The following FSTL5 variants were observed in gnomAD, a reference collection of about 807,000 sequenced individuals.
FSTL5 encodes follistatin-related protein 5.
Under a neutral mutation model 89.1 loss-of-function variants are expected in FSTL5, and 62 were observed. The observed-to-expected ratio is 0.70, with a 90% confidence interval of 0.57 to 0.86. The LOEUF (loss-of-function observed/expected upper bound fraction) is 0.86. Among genes scored for constraint, FSTL5 ranks in the 40% least tolerant of loss-of-function variants. FSTL5 has a pLI of 0.00. For missense variants in FSTL5, 1,057 were observed against 1,001.6 expected, an observed-to-expected ratio of 1.06 and a Z score of -0.75; for synonymous variants, 383 against 346.2, an observed-to-expected ratio of 1.11 and a Z score of -1.18.
rs141424758 is a variant in FSTL5, at chr4:161,647,742, G to T, written c.894+8586C>A. Reference sequence around the variant, plus strand: ...AAAGGGGGAAGGGAAGCGCTGGGTAGAAGAGGGTATGGTCCGTGGCTAGGG... The same window carrying T: ...AAAGGGGGAAGGGAAGCGCTGGGTATAAGAGGGTATGGTCCGTGGCTAGGG... On this transcript the variant is annotated intron_variant, in intron 7 of 15. Transcript: ENST00000306100. 6.0e-3 allele frequency among the ~76,000 whole-genome samples: 913 copies of T among 152,292 alleles called. 9 individuals are homozygous for T. The highest frequency in any genetic ancestry group is 0.045 in the South Asian group (219 of 4,826).
intron 3 of FSTL5, among the ~76,000 whole-genome samples, chr4:161,999,651 G>A (rs1026344141): frequency 2.0e-5 from 3 of 152,088 alleles, no homozygotes; most frequent in South Asian, 4.1e-4. Context: ...ATTTAAATAA[G>A]ACAGTTTGAT....
chr4:161,615,291 CTCAAAAA>C (rs778774806), intron 7 of FSTL5, among the ~76,000 whole-genome samples: 1,100 of 58,462 alleles, frequency 0.019, 17 homozygotes, highest in Non-Finnish European at 0.028. Flanking sequence ...GAGACTCTGT[CTCAAAAA>C]AAAAAAAAAA....
At chr4:161,984,337 C>T (rs1735905545) in intron 3 of FSTL5, among the ~76,000 whole-genome samples, 1 of 151,870 alleles carries the variant, frequency 6.6e-6, no homozygotes, top group African/African-American at 2.4e-5. Context: ...AGTTTTTCTG[C>T]AGTAGCTTTA....
chr4:162,109,158 A>G (rs1731340746), intron 2 of FSTL5, among the ~76,000 whole-genome samples: 1 of 152,038 alleles, frequency 6.6e-6, no homozygotes, highest in African/African-American at 2.4e-5. Flanking sequence ...AAGGCCAGAA[A>G]TTTCTGGGAT....
At chr4:161,802,746 T>C (rs1016849148) in intron 4 of FSTL5, among the ~76,000 whole-genome samples, 1 of 151,750 alleles carries the variant, frequency 6.6e-6, no homozygotes, top group Non-Finnish European at 1.5e-5. Flanking sequence ...TCCATTTATA[T>C]GTGGATAACA....
intron 15 of FSTL5, among the ~76,000 whole-genome samples, chr4:161,406,006 G>A (rs182223299): frequency 6.1e-4 from 93 of 152,176 alleles, no homozygotes; most frequent in African/African-American, 2.1e-3. Flanking sequence ...CACATTACTA[G>A]ACTTACCACA....
chr4:161,952,671 A>G (rs1423409001), intron 3 of FSTL5, among the ~76,000 whole-genome samples: 1 of 151,958 alleles, frequency 6.6e-6, no homozygotes, highest in African/African-American at 2.4e-5. Context: ...ACATTAATTA[A>G]ATGCATTTTT....
At chr4:161,709,468 C>A (rs901784458) in intron 6 of FSTL5, among the ~76,000 whole-genome samples, 1 of 151,996 alleles carries the variant, frequency 6.6e-6, no homozygotes, top group Non-Finnish European at 1.5e-5. Flanking sequence ...AATAAATTCC[C>A]AAATAGATAT....
chr4:162,085,555 A>G (rs1441819513), intron 2 of FSTL5, among the ~76,000 whole-genome samples: 3 of 152,170 alleles, frequency 2.0e-5, no homozygotes. Context: ...ACACACACAT[A>G]TATGTATGGA....
intron 3 of FSTL5, among the ~76,000 whole-genome samples, chr4:161,977,323 C>A (rs1245284809): frequency 6.6e-6 from 1 of 151,828 alleles, no homozygotes; most frequent in Non-Finnish European, 1.5e-5. Context: ...TGAAAATAAT[C>A]AATTATTGGC....
At chr4:161,779,779 A>AGT (rs1475382873) in intron 4 of FSTL5, among the ~76,000 whole-genome samples, 6,651 of 56,354 alleles carry the variant, frequency 0.12, 828 homozygotes, top group African/African-American at 0.39. Context: ...ATATATGTAT[A>AGT]TATATATATA....
chr4:161,449,377 A>G (rs994757026), intron 15 of FSTL5, among the ~76,000 whole-genome samples: 1 of 152,218 alleles, frequency 6.6e-6, no homozygotes, highest in Non-Finnish European at 1.5e-5. Flanking sequence ...CTATAAAAAT[A>G]TAACTCAAAA....
chr4:162,049,757 A>G (rs1182885206), intron 2 of FSTL5, among the ~76,000 whole-genome samples: 3 of 152,152 alleles, frequency 2.0e-5, no homozygotes, highest in African/African-American at 7.2e-5. Context: ...AAGAGAAATC[A>G]AAGGCAACAC....
intron 6 of FSTL5, among the ~76,000 whole-genome samples, chr4:161,683,934 T>A (rs182584002): frequency 6.6e-6 from 1 of 152,300 alleles, no homozygotes; most frequent in African/African-American, 2.4e-5. Context: ...AAGTCCATTG[T>A]GTCATTCTTA....
intron 6 of FSTL5, among the ~76,000 whole-genome samples, chr4:161,659,705 CTGAG>C (rs1736641997): frequency 6.6e-6 from 1 of 152,092 alleles, no homozygotes; most frequent in Non-Finnish European, 1.5e-5. Flanking sequence ...TAAATTGCCT[CTGAG>C]TGTGTGTGTA....
At chr4:162,038,464 TGTAAC>T (rs1281719920) in intron 2 of FSTL5, among the ~76,000 whole-genome samples, 1 of 151,798 alleles carries the variant, frequency 6.6e-6, no homozygotes, top group African/African-American at 2.4e-5. Flanking sequence ...ATAAAGTAAA[TGTAAC>T]GTAACTAAAC....
chr4:161,893,684 C>T (rs1439648523), intron 4 of FSTL5, among the ~76,000 whole-genome samples: 1 of 152,134 alleles, frequency 6.6e-6, no homozygotes, highest in Non-Finnish European at 1.5e-5. Flanking sequence ...TCTCTGTTAA[C>T]AGGGCAATTC....
chr4:161,543,465 T>TA (rs576635671), intron 8 of FSTL5, among the ~76,000 whole-genome samples: 2 of 151,380 alleles, frequency 1.3e-5, no homozygotes, highest in Admixed American at 1.3e-4. Context: ...TTCGAGAAAT[T>TA]AAAAAAACTT....
chr4:162,143,830 ACACG>A (rs1732859457), intron 1 of FSTL5, among the ~76,000 whole-genome samples: 1 of 151,008 alleles, frequency 6.6e-6, no homozygotes, highest in Non-Finnish European at 1.5e-5. Context: ...ATACAAACAC[ACACG>A]GCAGGAAAAA....
Sources: allele counts gnomAD v4.1 joint callset (sites outside exome capture counted in the v4.1 genomes callset), GRCh38; gene constraint gnomAD v4.1.1; transcripts MANE v1.5; gene names NCBI Gene and HGNC (gene_info 2026-07-23, HGNC 2026-07-21).